Variants in ARHGEF40 observed in about 807,000 individuals in gnomAD.
ARHGEF40 encodes Rho guanine nucleotide exchange factor 40.
In ARHGEF40, 98 loss-of-function variants were observed where a neutral mutation model predicts 165.9. The observed-to-expected ratio is 0.59, with a 90% CI of 0.50 to 0.70. The LOEUF (loss-of-function observed/expected upper bound fraction) is 0.70, where lower values mean the gene tolerates loss of function less well. Ranked by LOEUF, ARHGEF40 falls within the 30% of genes least tolerant of loss-of-function variation. The pLI is 0.00. For missense variants in ARHGEF40, 1,815 were observed against 1,968.0 expected (o/e 0.92, Z 1.47); for synonymous variants, 792 against 814.3 (o/e 0.97, Z 0.47).
In ARHGEF40 at chr14:21,081,756, G is replaced by A. The variant is rs772552739; in HGVS notation, c.2888G>A (p.Arg963Gln). The stretch of plus-strand genomic sequence containing the variant: ...CACGTGGGAGAGGAGGCGAGCCCAC[G>A]GGGCTACCGACGACGGCGGGCAGAC... ...QQHVGEEASP[R>Q]GYRRRRADGA... The change falls in exon 14 of 24, where the codon CGG becomes CAG. Residue 963 changes from arginine (R) to glutamine (Q), a missense_variant. Transcript: ENST00000298694. 47 of 1,587,152 alleles carry A rather than the reference G, an allele frequency of 3.0e-5. No individual in the cohort carries two copies. Among genetic ancestry groups the A allele is most frequent in the East Asian group, 9.2e-5 (4 of 43,302 alleles).
At position 21,070,681 on chromosome 14, in the gene ARHGEF40, C is replaced by T. The variant is rs544958990; in HGVS notation, c.3+282C>T. ...CTAATCCACACACCTCCCCGCTCCCCGCCCTCCTCTGTCCTGACCTGTGCC... is the reference window on the plus strand; with the variant it reads ...CTAATCCACACACCTCCCCGCTCCCTGCCCTCCTCTGTCCTGACCTGTGCC... On this transcript the variant is annotated intron_variant, in intron 1 of 23. Coordinates refer to ENST00000298694, the MANE Select transcript of ARHGEF40 (RefSeq NM_018071.5). The surrounding 1 kb of genome is among the most constrained non-coding windows in gnomAD (Gnocchi z 4.7). 2 of 955,694 alleles carry T rather than the reference C, an allele frequency of 2.1e-6. No individual in the cohort carries two copies. The highest frequency in any genetic ancestry group is 5.3e-5 in the East Asian group (2 of 37,706). 59.2% of individuals were successfully genotyped at this position (955,694 alleles called of 1,614,324 possible).
At chr14:21,079,892 C>T (rs1316218726) in intron 11 of ARHGEF40, among the ~76,000 whole-genome samples, 1 of 152,058 alleles carries the variant, frequency 6.6e-6, no homozygotes, top group African/African-American at 2.4e-5. Context: ...TCTAGTTCTG[C>T]CATGTGTAAG....
At position 21,075,393 on chromosome 14, in the gene ARHGEF40, G is replaced by A. The variant is rs1887327182; in HGVS notation, c.1512G>A (p.Gln504=). ...DTPTPPLETV[Q]EGKGDNIPEE... ...CAACACCTCCGCTGGAGACTGTGCA[G>A]GAAGGAAAAGGGGACAACATTCCAG... Residue 504 remains glutamine, a synonymous_variant, in exon 4 of 24, where the codon CAG becomes CAA. Coordinates refer to ENST00000298694, the MANE Select transcript of ARHGEF40 (RefSeq NM_018071.5). The surrounding 1 kb of genome is among the most constrained non-coding windows in gnomAD (Gnocchi z 4.5). 6.2e-7 allele frequency: 1 copy of A among 1,614,092 alleles called. No individual in the cohort carries two copies. Among genetic ancestry groups the A allele is most frequent in the African/African-American group, 1.3e-5 (1 of 74,940 alleles).
chr14:21,082,750 G>A (rs772271226), intron 15 of ARHGEF40, 81 bp from the exon 16 acceptor site: 14 of 1,438,860 alleles, frequency 9.7e-6, no homozygotes, highest in Non-Finnish European at 1.4e-5. Flanking sequence ...TTGGGCTACA[G>A]AGAGGATAGA....
chr14:21,088,268 G>T (rs1259322822), intron 22 of ARHGEF40, among the ~76,000 whole-genome samples, 170 bp downstream of exon 22: 1 of 152,124 alleles, frequency 6.6e-6, no homozygotes, highest in African/African-American at 2.4e-5. Flanking sequence ...CCTCTCCCCG[G>T]GACCTGGCTA....
In ARHGEF40 at chr14:21,088,825, C is replaced by A; in HGVS notation, c.4519-5C>A. The A allele has an allele frequency of 6.2e-7, 1 of 1,611,766 alleles. No individual in the cohort carries two copies. Among genetic ancestry groups the A allele is most frequent in the Non-Finnish European group, 8.5e-7 (1 of 1,178,460 alleles). On this transcript the variant is annotated splice_region_variant and splice_polypyrimidine_tract_variant and intron_variant, in intron 22 of 23. Coordinates refer to ENST00000298694, the MANE Select transcript of ARHGEF40 (RefSeq NM_018071.5). ...CTAAATTCACTGTAGCTTCTCTCCC[C>A]CCAGAGTCATGCTCGAGCCCTGAGT...
At chr14:21,066,586 G>C (rs561381032), upstream of ARHGEF40, among the ~76,000 whole-genome samples, 1 of 151,968 alleles carries the variant, frequency 6.6e-6, no homozygotes, top group Non-Finnish European at 1.5e-5. Context: ...CACCTGCCTC[G>C]GTCTCCCAAA....
the ARHGEF40 span, among the ~76,000 whole-genome samples, chr14:21,064,898 T>C: frequency 6.6e-6 from 1 of 152,130 alleles, no homozygotes; most frequent in Non-Finnish European, 1.5e-5. Flanking sequence ...TGGCCGGGCA[T>C]GGTGGCTCAT....
chr14:21,067,584 G>A (rs1242757166), upstream of ARHGEF40, among the ~76,000 whole-genome samples: 2 of 152,156 alleles, frequency 1.3e-5, no homozygotes, highest in Admixed American at 1.3e-4. Context: ...TAAAACAGGA[G>A]TTTGAGAAGC....
rs1212689318 is a variant in ARHGEF40, at chr14:21,085,802, G to C, written c.4074G>C (p.Glu1358Asp). 1.2e-6 allele frequency: 2 copies of C among 1,614,220 alleles called. No homozygotes were observed. Among genetic ancestry groups the C allele is most frequent in the Non-Finnish European group, 1.7e-6 (2 of 1,180,040 alleles). The change falls in exon 19 of 24, where the codon GAG (glutamate) becomes GAC (aspartate). Residue 1358 changes from glutamate (E) to aspartate (D), a missense_variant. Physicochemically the swap from Glu to Asp is conservative, Grantham distance 45 (BLOSUM62 2). Coordinates refer to ENST00000298694, the MANE Select transcript of ARHGEF40 (RefSeq NM_018071.5). ...EAYTLQATSP[E>D]IKLKWTSSIA... ...ACACTCTGCAGGCAACCTCACCAGAGATCAAACTCAAGTGGACAAGTTCTA... is the reference window on the plus strand; with the variant it reads ...ACACTCTGCAGGCAACCTCACCAGACATCAAACTCAAGTGGACAAGTTCTA...
At chr14:21,067,149 A>G (rs1439311902), upstream of ARHGEF40, among the ~76,000 whole-genome samples, 6 of 152,232 alleles carry the variant, frequency 3.9e-5, no homozygotes, top group East Asian at 1.2e-3. Flanking sequence ...CCAGGCAATA[A>G]GCAGTACAGA....
rs186715715 is a variant in ARHGEF40, at chr14:21,080,555, C to T, written c.2374-105C>T. ...ACATTGCAGATGAGATGCAATAGTT[C>T]ACTCAAAGTTCTATAGATTGGGGTG... On this transcript the variant is annotated intron_variant, in intron 11 of 23. Coordinates refer to ENST00000298694, the MANE Select transcript of ARHGEF40 (RefSeq NM_018071.5). 5.1e-5 allele frequency: 66 copies of T among 1,292,590 alleles called. 1 individual carries two copies. The East Asian group carries it at 1.3e-3, about 25-fold the overall frequency. The allele number at this position is 1,292,590 out of a possible 1,614,324, so 80.1% of individuals were successfully genotyped here. A position where few individuals can be genotyped will look rare whatever the true frequency, so the allele number is the denominator to read the frequency against.
intron 11 of ARHGEF40, among the ~76,000 whole-genome samples, chr14:21,080,283 G>A (rs936089571): frequency 6.6e-6 from 1 of 150,896 alleles, no homozygotes; most frequent in East Asian, 2.0e-4. Flanking sequence ...CTTGGTCCCT[G>A]GGACCGTTTC....
chr14:21,086,907 G>T, intron 19 of ARHGEF40, 94 bp from the exon 20 acceptor site: 1 of 724,226 alleles, frequency 1.4e-6, no homozygotes, highest in Non-Finnish European at 2.0e-6. Flanking sequence ...GGGAAGGAAC[G>T]AAAAAAAAAA....
chr14:21,081,068 T>C lies in ARHGEF40; in HGVS notation c.2640+52T>C, dbSNP rs755508896. The C allele has an allele frequency of 3.8e-6, 6 of 1,572,118 alleles. No homozygotes were observed. In the Admixed American group the frequency reaches 1.1e-4, roughly 28 times the overall value. ...GCCCCCCCATTTCCATTTATTCACT[T>C]CCTTTCTGCCTGGAGAGGCTAATCA... On this transcript the variant is annotated intron_variant, in intron 13 of 23. Coordinates refer to ENST00000298694, the MANE Select transcript of ARHGEF40 (RefSeq NM_018071.5).
chr14:21,082,137 C>T lies in ARHGEF40; in HGVS notation c.3251+18C>T, dbSNP rs375307411. 10 of 1,562,866 alleles carry T rather than the reference C, an allele frequency of 6.4e-6. No individual in the cohort carries two copies. The highest frequency in any genetic ancestry group is 8.7e-6 in the Non-Finnish European group (10 of 1,152,946). On this transcript the variant is annotated intron_variant, in intron 14 of 23. Coordinates refer to ENST00000298694, the MANE Select transcript of ARHGEF40 (RefSeq NM_018071.5). ...AGCATCAGGTGAGATCCCAGCCCAA[C>T]TGGTGCTAAGAGGCGGAGCCAACTG... is the stretch of plus-strand genomic sequence containing the variant.
At position 21,074,760 on chromosome 14, in the gene ARHGEF40, GC is replaced by G. The variant is rs1303889636; in HGVS notation, c.1032del (p.Ser345ProfsTer6). On this transcript the variant is annotated frameshift_variant, in exon 3 of 24. Coordinates refer to ENST00000298694, the MANE Select transcript of ARHGEF40 (RefSeq NM_018071.5). LOFTEE classifies it high-confidence loss of function. This position sits in a 1 kb window ranked among gnomAD's most constrained non-coding sequence, Gnocchi z 4.8. Reference sequence around the variant, plus strand: ...GCCCCCAGCAGAGGCTGTGGGAGAAGCCTCCGGATCTTGCCCCCTGAGGCCA... The same window carrying G: ...GCCCCCAGCAGAGGCTGTGGGAGAAGCTCCGGATCTTGCCCCCTGAGGCCA... ...SEPPAEAVGE[A>X]SGSCPLRPGE... 1 of 1,610,054 alleles carries G rather than the reference GC, an allele frequency of 6.2e-7. No homozygotes were observed. Among genetic ancestry groups the G allele is most frequent in the East Asian group, 2.2e-5 (1 of 44,804 alleles).
At chr14:21,087,154 C>T (rs761831497) in intron 20 of ARHGEF40, 49 bp downstream of exon 20, 9 of 1,598,928 alleles carry the variant, frequency 5.6e-6, no homozygotes, top group Non-Finnish European at 6.0e-6. Context: ...AAGACCTTGA[C>T]AATGAGGATA....
chr14:21,074,063 C>T lies in ARHGEF40; in HGVS notation c.333C>T (p.Pro111=), dbSNP rs752818328. 3.7e-6 allele frequency: 6 copies of T among 1,614,146 alleles called. No homozygotes were observed. Among genetic ancestry groups the T allele is most frequent in the Non-Finnish European group, 5.1e-6 (6 of 1,180,026 alleles). Reference sequence around the variant, plus strand: ...GAGACTTCTATCTGCAGGTGGTGCCCTCAGCTGCCCAAGCACCCCGACTAG... The same window carrying T: ...GAGACTTCTATCTGCAGGTGGTGCCTTCAGCTGCCCAAGCACCCCGACTAG... ...RPGDFYLQVV[P]SAAQAPRLAL... is the part of the protein sequence containing the mutation. The change falls in exon 3 of 24, where the codon CCC becomes CCT. Residue 111 remains proline (P), a synonymous_variant. Coordinates refer to ENST00000298694, the MANE Select transcript of ARHGEF40 (RefSeq NM_018071.5). This position sits in a 1 kb window ranked among gnomAD's most constrained non-coding sequence, Gnocchi z 4.8.
Sources: gnomAD v4.1 joint callset for allele counts (sites outside exome capture counted in the v4.1 genomes callset) on GRCh38, gnomAD v4.1.1 for gene constraint, Gnocchi (gnomAD v3.1) non-coding constraint, MANE v1.5 for transcripts, NCBI Gene and HGNC (gene_info 2026-07-23, HGNC 2026-07-21) for gene names.